Variants in KCNQ5 observed in about 807,000 individuals in gnomAD.
KCNQ5 encodes potassium voltage-gated channel subfamily Q member 5, also known as potassium voltage-gated channel subfamily KQT member 5.
In KCNQ5, 30 loss-of-function variants were observed where a neutral mutation model predicts 98.2. The ratio of observed to expected loss-of-function variants is 0.31; its 90% CI spans 0.23 to 0.41. KCNQ5 has a LOEUF of 0.41. Ranked by LOEUF, KCNQ5 falls within the 10% of genes least tolerant of loss-of-function variation. The pLI is 1.00. For missense variants in KCNQ5, 835 were observed against 1,182.5 expected, an observed-to-expected ratio of 0.71 and a Z score of 4.31; for synonymous variants, 458 against 449.4, an observed-to-expected ratio of 1.02 and a Z score of -0.24.
intron 1 of KCNQ5, among the ~76,000 whole-genome samples, chr6:72,763,988 T>G (rs766317866): frequency 6.6e-6 from 1 of 151,966 alleles, no homozygotes; most frequent in Non-Finnish European, 1.5e-5. Context: ...AGTACTCTCT[T>G]TTGTAAAATG....
At chr6:72,728,395 T>TA (rs879886924) in intron 1 of KCNQ5, among the ~76,000 whole-genome samples, 16 of 151,946 alleles carry the variant, frequency 1.1e-4, no homozygotes, top group East Asian at 7.7e-4. Context: ...CCTGTTAATT[T>TA]AAAAAAAAAG....
intron 1 of KCNQ5, among the ~76,000 whole-genome samples, chr6:72,628,143 A>G (rs2098918941): frequency 6.6e-6 from 1 of 152,228 alleles, no homozygotes; most frequent in Admixed American, 6.5e-5. Flanking sequence ...ATGCATGCTT[A>G]ACTGAGTAAG....
intron 1 of KCNQ5, among the ~76,000 whole-genome samples, chr6:72,640,110 A>G (rs1403588081): frequency 6.6e-6 from 1 of 152,138 alleles, no homozygotes; most frequent in African/African-American, 2.4e-5. Context: ...AATTTCTCTA[A>G]CAGTAGTGTG....
intron 1 of KCNQ5, among the ~76,000 whole-genome samples, chr6:72,767,174 T>C (rs7751090): frequency 0.6 from 90,955 of 151,804 alleles, 27,302 homozygotes; most frequent in Admixed American, 0.63. Context: ...TCTTTTGGTA[T>C]GTTAAATTTA....
At chr6:72,712,626 A>T (rs1402510559) in intron 1 of KCNQ5, among the ~76,000 whole-genome samples, 1 of 152,142 alleles carries the variant, frequency 6.6e-6, no homozygotes, top group Non-Finnish European at 1.5e-5. Flanking sequence ...TTAAATTATG[A>T]CCATAATGAC....
intron 5 of KCNQ5, among the ~76,000 whole-genome samples, chr6:73,100,845 G>T (rs1428697963): frequency 6.6e-6 from 1 of 151,972 alleles, no homozygotes; most frequent in African/African-American, 2.4e-5. Flanking sequence ...ATCATTAGAG[G>T]CTACTGTGAG....
intron 1 of KCNQ5, among the ~76,000 whole-genome samples, chr6:72,897,187 G>GA (rs997627917): frequency 2.0e-5 from 3 of 151,956 alleles, no homozygotes; most frequent in Non-Finnish European, 4.4e-5. Context: ...GATAATGGGG[G>GA]AAAAAATTGG....
intron 1 of KCNQ5, among the ~76,000 whole-genome samples, chr6:72,942,396 C>T (rs1554188365): frequency 6.6e-6 from 1 of 152,074 alleles, no homozygotes; most frequent in African/African-American, 2.4e-5. Flanking sequence ...TGTATGATTA[C>T]TCTATGTAAA....
chr6:72,824,943 GC>G lies in KCNQ5; in HGVS notation c.399-178962del, dbSNP rs1243529748. On this transcript the variant is annotated intron_variant, in intron 1 of 13. Transcript: ENST00000370398. ...TCATTGTTTTCAAAGCACCTTTATA[GC>G]CCTTCTCTCCTTTGATCTTTACAAC... 5.3e-5 allele frequency among the ~76,000 whole-genome samples: 8 copies of G among 151,982 alleles called. No individual in the cohort carries two copies. In the East Asian group the frequency reaches 1.4e-3, roughly 26 times the overall value.
intron 1 of KCNQ5, among the ~76,000 whole-genome samples, chr6:72,758,055 A>G (rs969309156): frequency 2.9e-4 from 44 of 152,102 alleles, no homozygotes; most frequent in African/African-American, 9.9e-4. Context: ...TGCAGGAGGC[A>G]TGGACAGGAT....
intron 1 of KCNQ5, among the ~76,000 whole-genome samples, chr6:72,951,092 G>A (rs1352565049): frequency 1.3e-5 from 2 of 152,122 alleles, no homozygotes; most frequent in South Asian, 2.1e-4. Flanking sequence ...ATCAACTTGA[G>A]TATTTTCACA....
At chr6:72,929,964 G>A (rs375881042) in intron 1 of KCNQ5, among the ~76,000 whole-genome samples, 5 of 152,050 alleles carry the variant, frequency 3.3e-5, no homozygotes, top group East Asian at 3.9e-4. Flanking sequence ...TTCCATAACT[G>A]TCAGGAAGCT....
intron 2 of KCNQ5, among the ~76,000 whole-genome samples, chr6:73,020,889 G>A (rs149816294): frequency 4.1e-4 from 62 of 151,862 alleles, no homozygotes; most frequent in African/African-American, 1.4e-3. Context: ...GCTAATTGCT[G>A]CACCAATTTC....
At position 72,945,858 on chromosome 6, in the gene KCNQ5, G is replaced by A. The variant is rs532139618; in HGVS notation, c.399-58050G>A. Among the ~76,000 whole-genome samples the A allele has an allele frequency of 6.2e-4, 95 of 152,024 alleles. 1 individual carries two copies. The highest frequency in any genetic ancestry group is 1.0e-3 in the Admixed American group (16 of 15,262). On this transcript the variant is annotated intron_variant, in intron 1 of 13. Coordinates refer to ENST00000370398, the MANE Select transcript of KCNQ5 (RefSeq NM_019842.4). ...TAGAATATTCTTAAGAGACTGAGGG[G>A]GAGAAAAGAAGTACATATATTGACC...
At chr6:73,067,257 A>G (rs568526086) in intron 3 of KCNQ5, among the ~76,000 whole-genome samples, 35 of 152,248 alleles carry the variant, frequency 2.3e-4, no homozygotes, top group South Asian at 1.4e-3. Context: ...AATTAGTTTG[A>G]TTTTTGGCTC....
Position 73,112,212 on chromosome 6 carries a change from A to G in KCNQ5, c.1125+809A>G, listed in dbSNP as rs199767899. 3.9e-5 allele frequency among the ~76,000 whole-genome samples: 6 copies of G among 152,276 alleles called. No homozygotes were observed. In the East Asian group the frequency reaches 1.2e-3, roughly 29 times the overall value. On this transcript the variant is annotated intron_variant, in intron 7 of 13. Transcript: ENST00000370398. ...TAAAGTTTCTCCCCTCCTGCTAGGGAAGTGGAAGCTACCGAATTTCTAAAC... is the reference window on the plus strand; with the variant it reads ...TAAAGTTTCTCCCCTCCTGCTAGGGGAGTGGAAGCTACCGAATTTCTAAAC...
chr6:73,076,107 C>T (rs76839922), intron 3 of KCNQ5, among the ~76,000 whole-genome samples: 2,022 of 152,220 alleles, frequency 0.013, 109 homozygotes, highest in Admixed American at 0.098. Flanking sequence ...CTGACCCCCC[C>T]TCTCTCTCAA....
rs541653656 is a variant in KCNQ5, at chr6:72,963,716, G to A, written c.399-40192G>A. Reference sequence around the variant, plus strand: ...CTCACTCTGTTGCCCACACTGGAGTGCAGTGGTGTGATCTTGGCTCACTGC... The same window carrying A: ...CTCACTCTGTTGCCCACACTGGAGTACAGTGGTGTGATCTTGGCTCACTGC... On this transcript the variant is annotated intron_variant, in intron 1 of 13. Transcript: ENST00000370398. Among the ~76,000 whole-genome samples the A allele has an allele frequency of 2.0e-5, 3 of 152,144 alleles. No individual in the cohort carries two copies. In the South Asian group the frequency reaches 6.2e-4, roughly 32 times the overall value.
chr6:73,082,050 G>T (rs1222642062), intron 5 of KCNQ5, among the ~76,000 whole-genome samples: 2 of 152,174 alleles, frequency 1.3e-5, no homozygotes, highest in African/African-American at 4.8e-5. Context: ...GGAAACATAA[G>T]GGCCAAAATA....
Sources: allele counts gnomAD v4.1 joint callset (sites outside exome capture counted in the v4.1 genomes callset), GRCh38; gene constraint gnomAD v4.1.1; transcripts MANE v1.5; gene names NCBI Gene and HGNC (gene_info 2026-07-23, HGNC 2026-07-21).